Variants in DCLK1 observed in about 807,000 individuals in gnomAD.
DCLK1 encodes doublecortin like kinase 1, also known as serine/threonine-protein kinase DCLK1.
A neutral mutation model predicts 86.2 loss-of-function variants in DCLK1; 16 were observed. The ratio of observed to expected loss-of-function variants is 0.19; its 90% CI spans 0.13 to 0.28. DCLK1 has a LOEUF of 0.28. Among genes scored for constraint, DCLK1 ranks in the 10% least tolerant of loss-of-function variants. The pLI is 1.00. For missense variants in DCLK1, 590 were observed against 940.2 expected (o/e 0.63, Z 4.87); for synonymous variants, 369 against 370.5 (o/e 1.00, Z 0.05).
At chr13:35,880,946 CAT>C (rs1249027340) in intron 4 of DCLK1, among the ~76,000 whole-genome samples, 7 of 152,218 alleles carry the variant, frequency 4.6e-5, no homozygotes, top group African/African-American at 9.6e-5. Context: ...TGTTCTCCCA[CAT>C]GTCATATGTT....
At chr13:36,056,753 C>A (rs1408242889) in intron 3 of DCLK1, among the ~76,000 whole-genome samples, 4 of 149,930 alleles carry the variant, frequency 2.7e-5, no homozygotes, top group Non-Finnish European at 3.0e-5. Flanking sequence ...ATAATATATT[C>A]TCCGTGGTGG....
At chr13:35,905,550 C>T (rs941602210) in intron 4 of DCLK1, among the ~76,000 whole-genome samples, 9 of 152,182 alleles carry the variant, frequency 5.9e-5, no homozygotes, top group Non-Finnish European at 1.3e-4. Flanking sequence ...AGACAGCAAG[C>T]CACAACTCTG....
chr13:36,089,547 G>GAA (rs1884741954), intron 3 of DCLK1, among the ~76,000 whole-genome samples: 1 of 152,154 alleles, frequency 6.6e-6, no homozygotes, highest in Admixed American at 6.5e-5. Flanking sequence ...ATTGCAAAGT[G>GAA]TTCCCATTTA....
intron 3 of DCLK1, among the ~76,000 whole-genome samples, chr13:35,969,634 T>C (rs1189295775): frequency 6.6e-6 from 1 of 152,182 alleles, no homozygotes; most frequent in African/African-American, 2.4e-5. Flanking sequence ...TCACAAGAGA[T>C]GGCATGTTTC....
At chr13:35,808,717 A>G (rs1212902925) in intron 13 of DCLK1, among the ~76,000 whole-genome samples, 1 of 152,046 alleles carries the variant, frequency 6.6e-6, no homozygotes, top group Non-Finnish European at 1.5e-5. Flanking sequence ...TGGGAGGCAG[A>G]GGTTGCAGTG....
chr13:36,003,336 C>T (rs376506470), intron 3 of DCLK1, among the ~76,000 whole-genome samples: 1 of 152,034 alleles, frequency 6.6e-6, no homozygotes, highest in East Asian at 1.9e-4. Context: ...TGAAATCCAC[C>T]CAATTTGCTA....
intron 5 of DCLK1, among the ~76,000 whole-genome samples, chr13:35,865,788 T>G (rs981222983): frequency 3.3e-5 from 5 of 152,166 alleles, no homozygotes; most frequent in African/African-American, 1.2e-4. Context: ...AGGGAAGACT[T>G]ACAGAGGATT....
chr13:35,971,386 C>T (rs915562595), intron 3 of DCLK1, among the ~76,000 whole-genome samples: 7 of 152,110 alleles, frequency 4.6e-5, no homozygotes, highest in African/African-American at 7.2e-5. Context: ...GACATGACAC[C>T]GAAGCTAAGA....
At chr13:35,986,445 T>C (rs1879917265) in intron 3 of DCLK1, among the ~76,000 whole-genome samples, 1 of 151,976 alleles carries the variant, frequency 6.6e-6, no homozygotes, top group Non-Finnish European at 1.5e-5. Context: ...TTTGTTTCCA[T>C]TAAATCTTCT....
chr13:36,032,303 G>C (rs533392164), intron 3 of DCLK1, among the ~76,000 whole-genome samples: 1 of 151,758 alleles, frequency 6.6e-6, no homozygotes, highest in Admixed American at 6.6e-5. Flanking sequence ...CACCAGGCCC[G>C]GCTAATTTTT....
chr13:35,965,846 T>C (rs1017964077), intron 3 of DCLK1, among the ~76,000 whole-genome samples: 1 of 152,082 alleles, frequency 6.6e-6, no homozygotes, highest in Non-Finnish European at 1.5e-5. Context: ...TTCAGAGCCA[T>C]ATACAAATAA....
At chr13:35,976,076 A>G (rs562138495) in intron 3 of DCLK1, among the ~76,000 whole-genome samples, 3 of 152,262 alleles carry the variant, frequency 2.0e-5, no homozygotes, top group South Asian at 2.1e-4. Flanking sequence ...CACAGCATCA[A>G]TTGTTTAGCA....
At chr13:36,106,662 A>G (rs913072) in intron 3 of DCLK1, among the ~76,000 whole-genome samples, 70,379 of 152,038 alleles carry the variant, frequency 0.46, 16,391 homozygotes, top group East Asian at 0.59. Context: ...CTGTCACAGA[A>G]AAGTTCTACT....
In DCLK1 at chr13:35,814,839, T is replaced by C. The variant is rs531108349; in HGVS notation, c.1555-3871A>G. 3.3e-5 allele frequency among the ~76,000 whole-genome samples: 5 copies of C among 152,292 alleles called. No homozygotes were observed. In the South Asian group the frequency reaches 1.0e-3, roughly 32 times the overall value. ...ACTAATTGAATGCAGCTACACATAA[T>C]TGTGGGCTGCCATATGTATCATATT... On this transcript the variant is annotated intron_variant, in intron 11 of 16. Transcript: ENST00000360631.
chr13:35,882,486 C>T (rs1872974825), intron 4 of DCLK1, among the ~76,000 whole-genome samples: 2 of 152,202 alleles, frequency 1.3e-5, no homozygotes, highest in Admixed American at 1.3e-4. Flanking sequence ...GCATTTTTAT[C>T]AGGAAATCTA....
intron 4 of DCLK1, among the ~76,000 whole-genome samples, chr13:35,875,921 C>G (rs947802917): frequency 6.6e-6 from 1 of 152,088 alleles, no homozygotes; most frequent in African/African-American, 2.4e-5. Context: ...GCATCAGAAC[C>G]CAACTCTCTT....
chr13:35,826,058 T>C (rs76646871), intron 10 of DCLK1, among the ~76,000 whole-genome samples: 98,809 of 151,036 alleles, frequency 0.65, 33,908 homozygotes, highest in Non-Finnish European at 0.75. Context: ...GTGATCTGCT[T>C]TCCTCGGCCT....
chr13:35,815,468 T>C (rs956225281), intron 11 of DCLK1, among the ~76,000 whole-genome samples: 5 of 152,198 alleles, frequency 3.3e-5, no homozygotes, highest in Admixed American at 1.3e-4. Flanking sequence ...TGATGAAACG[T>C]TGGCTAATGA....
At chr13:35,809,445 A>G (rs1185073743) in intron 12 of DCLK1, among the ~76,000 whole-genome samples, 1 of 152,186 alleles carries the variant, frequency 6.6e-6, no homozygotes, top group African/African-American at 2.4e-5. Flanking sequence ...TCACTTTAGG[A>G]ATAATAATTA....
Sources: gnomAD v4.1 joint callset for allele counts (sites outside exome capture counted in the v4.1 genomes callset) on GRCh38, gnomAD v4.1.1 for gene constraint, MANE v1.5 for transcripts, NCBI Gene and HGNC (gene_info 2026-07-23, HGNC 2026-07-21) for gene names.